KLHL29: variants seen among roughly 807,000 people sequenced by gnomAD.
KLHL29 encodes the protein kelch like family member 29.
In KLHL29, 21 loss-of-function variants were observed where a neutral mutation model predicts 80.4. The observed-to-expected ratio is 0.26, with a 90% CI of 0.19 to 0.38. The LOEUF is 0.38. Ranked by LOEUF, KLHL29 falls within the 10% of genes least tolerant of loss-of-function variation. KLHL29 has a pLI of 1.00. For missense variants in KLHL29, 867 were observed against 1,223.9 expected (o/e 0.71, Z 4.35); for synonymous variants, 511 against 526.8 (o/e 0.97, Z 0.41).
At chr2:23,626,974 G>A (rs1240390867) in intron 3 of KLHL29, among the ~76,000 whole-genome samples, 2 of 152,194 alleles carry the variant, frequency 1.3e-5, no homozygotes, top group Admixed American at 6.5e-5. Flanking sequence ...CCAGCCTCTT[G>A]CAGAGAAGAC....
intron 7 of KLHL29, among the ~76,000 whole-genome samples, chr2:23,692,539 G>C (rs551755186): frequency 7.6e-4 from 116 of 152,218 alleles, no homozygotes; most frequent in Non-Finnish European, 1.3e-3. Flanking sequence ...AGATGGGGCA[G>C]ATCCGTGAGG....
chr2:23,649,757 G>T (rs1479801573), intron 5 of KLHL29, among the ~76,000 whole-genome samples: 1 of 152,260 alleles, frequency 6.6e-6, no homozygotes, highest in African/African-American at 2.4e-5. Flanking sequence ...AGAGCCAAGG[G>T]TGGGAACATT....
intron 3 of KLHL29, among the ~76,000 whole-genome samples, chr2:23,571,876 A>G (rs1667724911): frequency 6.6e-6 from 1 of 152,124 alleles, no homozygotes; most frequent in African/African-American, 2.4e-5. Context: ...ATAAAAAACA[A>G]CCGCCTCCAT....
intron 3 of KLHL29, among the ~76,000 whole-genome samples, chr2:23,564,578 G>A (rs1215962978): frequency 4.6e-5 from 7 of 152,184 alleles, no homozygotes; most frequent in Admixed American, 6.5e-5. Flanking sequence ...CTGGCTTCCC[G>A]AGCACCCCTG....
chr2:23,488,472 C>T (rs1244225358), intron 2 of KLHL29, among the ~76,000 whole-genome samples: 1 of 152,210 alleles, frequency 6.6e-6, no homozygotes, highest in African/African-American at 2.4e-5. Context: ...GCTACAATTC[C>T]CCATTGCGGG....
intron 1 of KLHL29, among the ~76,000 whole-genome samples, chr2:23,408,360 A>G (rs1300987941): frequency 7.1e-6 from 1 of 141,674 alleles, no homozygotes; most frequent in Non-Finnish European, 1.5e-5. Context: ...AAATTGATTT[A>G]TAAAGAATTG....
At chr2:23,646,624 G>C (rs1669941186) in intron 5 of KLHL29, among the ~76,000 whole-genome samples, 1 of 152,182 alleles carries the variant, frequency 6.6e-6, no homozygotes, top group South Asian at 2.1e-4. Context: ...CTTCTGGGAG[G>C]CCGTACTGGG....
intron 3 of KLHL29, among the ~76,000 whole-genome samples, chr2:23,608,502 A>G: frequency 6.6e-6 from 1 of 152,124 alleles, no homozygotes; most frequent in East Asian, 1.9e-4. Context: ...AGCTCAGAAA[A>G]TGTTTGTTGT....
At chr2:23,400,216 AC>A (rs1411417941) in intron 1 of KLHL29, among the ~76,000 whole-genome samples, 1 of 152,152 alleles carries the variant, frequency 6.6e-6, no homozygotes, top group Non-Finnish European at 1.5e-5. Flanking sequence ...GTGATCAGAT[AC>A]CCAAGGGGGC....
chr2:23,691,511 C>T (rs769834285), intron 6 of KLHL29, 163 bp from the exon 7 acceptor site: 19 of 617,216 alleles, frequency 3.1e-5, no homozygotes, highest in Non-Finnish European at 5.2e-5. Context: ...TCTTCTCTTT[C>T]AGATCCCGTG....
At chr2:23,534,547 G>A (rs1041237096) in intron 2 of KLHL29, among the ~76,000 whole-genome samples, 1 of 151,150 alleles carries the variant, frequency 6.6e-6, no homozygotes, top group Non-Finnish European at 1.5e-5. Flanking sequence ...TTTCTTTGCA[G>A]CATCACAGAT....
chr2:23,591,580 T>C (rs1668261996), intron 3 of KLHL29, among the ~76,000 whole-genome samples: 1 of 151,444 alleles, frequency 6.6e-6, no homozygotes, highest in Non-Finnish European at 1.5e-5. Flanking sequence ...ACTCTAGGTC[T>C]GTCCATTCTG....
intron 1 of KLHL29, among the ~76,000 whole-genome samples, chr2:23,412,122 A>G (rs1485119046): frequency 8.4e-5 from 10 of 118,708 alleles, no homozygotes; most frequent in African/African-American, 1.3e-4. Context: ...GTGTGCGTGA[A>G]GGGGGGGGGG....
At chr2:23,568,737 G>A (rs144589799) in intron 3 of KLHL29, among the ~76,000 whole-genome samples, 2 of 152,338 alleles carry the variant, frequency 1.3e-5, no homozygotes, top group African/African-American at 2.4e-5. Context: ...AAAGGGACAG[G>A]CATCTAAGGT....
intron 1 of KLHL29, among the ~76,000 whole-genome samples, chr2:23,441,412 T>C (rs991575405): frequency 6.9e-4 from 105 of 151,820 alleles, no homozygotes; most frequent in African/African-American, 2.4e-3. Flanking sequence ...CACACCAGCA[T>C]GGCACATGTA....
At chr2:23,667,792 G>A (rs1014903419) in intron 5 of KLHL29, 10 of 152,440 alleles carry the variant, frequency 6.6e-5, no homozygotes, top group East Asian at 5.8e-4. Context: ...TTTCTCCTTC[G>A]AGGTGACTTC....
At chr2:23,427,648 G>C (rs1663040461) in intron 1 of KLHL29, among the ~76,000 whole-genome samples, 1 of 152,208 alleles carries the variant, frequency 6.6e-6, no homozygotes, top group South Asian at 2.1e-4. Context: ...CATGTGGTCA[G>C]GCGTTTTGGT....
At chr2:23,605,877 C>T (rs1037318388) in intron 3 of KLHL29, among the ~76,000 whole-genome samples, 5 of 151,590 alleles carry the variant, frequency 3.3e-5, no homozygotes, top group Non-Finnish European at 7.4e-5. Context: ...TCAAGTGATT[C>T]TCGTGTCTCA....
At chr2:23,463,832 T>A (rs1664280146) in intron 1 of KLHL29, among the ~76,000 whole-genome samples, 1 of 152,258 alleles carries the variant, frequency 6.6e-6, no homozygotes. Flanking sequence ...GAAATGATTA[T>A]ATTTCAGCAC....
Sources: gnomAD v4.1 joint callset for allele counts (sites outside exome capture counted in the v4.1 genomes callset) on GRCh38, gnomAD v4.1.1 for gene constraint, MANE v1.5 for transcripts, NCBI Gene and HGNC (gene_info 2026-07-23, HGNC 2026-07-21) for gene names.